ZSWIM5: variants seen among roughly 807,000 people sequenced by gnomAD.
ZSWIM5 encodes zinc finger SWIM domain-containing protein 5.
A neutral mutation model predicts 119.6 loss-of-function variants in ZSWIM5; 55 were observed. The observed-to-expected ratio is 0.46, with a 90% confidence interval of 0.37 to 0.58. ZSWIM5 has a LOEUF of 0.58. Ranked by LOEUF, ZSWIM5 falls within the 20% of genes least tolerant of loss-of-function variation. ZSWIM5 has a pLI of 0.00. For missense variants in ZSWIM5, 1,193 were observed against 1,512.8 expected (o/e 0.79, Z 3.51); for synonymous variants, 537 against 606.9 (o/e 0.88, Z 1.69).
chr1:45,053,899 G>C (rs1003930602), intron 4 of ZSWIM5, among the ~76,000 whole-genome samples: 5 of 151,660 alleles, frequency 3.3e-5, no homozygotes, highest in Non-Finnish European at 5.9e-5. Flanking sequence ...CTGAGAAAGA[G>C]ACAAAGCAAA....
chr1:45,061,372 CTT>C (rs34346997), intron 2 of ZSWIM5, among the ~76,000 whole-genome samples: 47,849 of 143,058 alleles, frequency 0.33, 8,661 homozygotes, highest in East Asian at 0.8. Context: ...TCTATGCATA[CTT>C]TTTTTTTTTT....
At chr1:45,203,268 G>A (rs1288661289) in intron 1 of ZSWIM5, among the ~76,000 whole-genome samples, 1 of 151,984 alleles carries the variant, frequency 6.6e-6, no homozygotes, top group Non-Finnish European at 1.5e-5. Flanking sequence ...AAAGTAATTA[G>A]AAATTACAGA....
At chr1:45,176,170 A>G (rs1645980255) in intron 1 of ZSWIM5, among the ~76,000 whole-genome samples, 2 of 149,634 alleles carry the variant, frequency 1.3e-5, no homozygotes, top group Admixed American at 1.3e-4. Context: ...ATATATTCCA[A>G]TATATACTAA....
intron 4 of ZSWIM5, among the ~76,000 whole-genome samples, chr1:45,058,018 T>C (rs917699447): frequency 6.6e-6 from 1 of 152,208 alleles, no homozygotes; most frequent in African/African-American, 2.4e-5. Context: ...AGAGCCTTTT[T>C]TTGTAGGAGA....
At chr1:45,069,729 G>A (rs926262195) in intron 2 of ZSWIM5, among the ~76,000 whole-genome samples, 1 of 152,066 alleles carries the variant, frequency 6.6e-6, no homozygotes, top group Non-Finnish European at 1.5e-5. Context: ...AGAAGAAAAT[G>A]CCACTCAACA....
intron 11 of ZSWIM5, among the ~76,000 whole-genome samples, chr1:45,024,140 C>A (rs1644905945): frequency 6.6e-6 from 1 of 150,598 alleles, no homozygotes; most frequent in Non-Finnish European, 1.5e-5. Context: ...ATTTTTCTCC[C>A]AGTCTCTGCT....
intron 1 of ZSWIM5, among the ~76,000 whole-genome samples, chr1:45,195,350 C>T (rs1646115580): frequency 6.6e-6 from 1 of 151,958 alleles, no homozygotes; most frequent in Admixed American, 6.6e-5. Context: ...ATTCCTCCCA[C>T]CTCAGCACCC....
intron 8 of ZSWIM5, among the ~76,000 whole-genome samples, chr1:45,038,579 G>A (rs958843218): frequency 2.4e-4 from 35 of 145,232 alleles, no homozygotes; most frequent in Non-Finnish European, 3.9e-4. Flanking sequence ...AGTCTGGAAG[G>A]GAGAAAAGGG....
Position 45,038,940 on chromosome 1 carries a change from C to T in ZSWIM5, c.1890G>A (p.Met630Ile). 6.2e-7 allele frequency: 1 copy of T among 1,613,470 alleles called. No individual in the cohort carries two copies. The highest frequency in any genetic ancestry group is 8.5e-7 in the Non-Finnish European group (1 of 1,179,952). Reference protein sequence around the residue: ...CRLNDDGYLEMSDMNESRPPV... With the variant: ...CRLNDDGYLEISDMNESRPPV... ...GCCTCAGGCTGACCCCTGTACCTGA[C>T]ATCTCCAGATAGCCATCATCATTCA... The change falls in exon 8 of 14, where the codon ATG becomes ATA. Residue 630 changes from methionine to isoleucine, a missense_variant. Met to Ile is a conservative substitution (Grantham distance 10). This residue lies in a region of ZSWIM5 where 961 missense variants were observed against 1,290.0 expected (regional missense o/e 0.74). Coordinates refer to ENST00000359600, the MANE Select transcript of ZSWIM5 (RefSeq NM_020883.2).
At chr1:45,056,299 G>A (rs575743547) in intron 4 of ZSWIM5, among the ~76,000 whole-genome samples, 2 of 152,172 alleles carry the variant, frequency 1.3e-5, no homozygotes, top group East Asian at 3.9e-4. Flanking sequence ...TGAGATCAAA[G>A]ATATTAGAGC....
At chr1:45,053,360 T>C (rs998891910) in intron 4 of ZSWIM5, among the ~76,000 whole-genome samples, 1 of 151,968 alleles carries the variant, frequency 6.6e-6, no homozygotes, top group Non-Finnish European at 1.5e-5. Context: ...AATAGGATAA[T>C]AGGAATGGAA....
At chr1:45,118,737 CAAAA>C (rs60441320) in intron 1 of ZSWIM5, among the ~76,000 whole-genome samples, 4 of 95,258 alleles carry the variant, frequency 4.2e-5, no homozygotes, top group Non-Finnish European at 9.2e-5. Flanking sequence ...GAACCTGTCT[CAAAA>C]AAAAAAAAAA....
chr1:45,021,725 T>TTTAA (rs1396325380), intron 11 of ZSWIM5, among the ~76,000 whole-genome samples: 1 of 151,910 alleles, frequency 6.6e-6, no homozygotes, highest in Non-Finnish European at 1.5e-5. Flanking sequence ...CATTTAAGAG[T>TTTAA]TTAACAACTT....
chr1:45,044,337 C>G (rs2148994536), intron 5 of ZSWIM5, among the ~76,000 whole-genome samples: 1 of 152,070 alleles, frequency 6.6e-6, no homozygotes, highest in South Asian at 2.1e-4. Flanking sequence ...CCTGTTATCC[C>G]AGCACTTTGG....
At chr1:45,166,485 A>T (rs1645904494) in intron 1 of ZSWIM5, among the ~76,000 whole-genome samples, 1 of 152,088 alleles carries the variant, frequency 6.6e-6, no homozygotes, top group Non-Finnish European at 1.5e-5. Flanking sequence ...CAGGCAGGAG[A>T]AAGAAATAAA....
At chr1:45,052,232 G>T (rs1033972810) in intron 4 of ZSWIM5, among the ~76,000 whole-genome samples, 2 of 151,910 alleles carry the variant, frequency 1.3e-5, no homozygotes, top group African/African-American at 2.4e-5. Context: ...CACCATGTCG[G>T]CTAGGTTTGT....
chr1:45,107,378 C>T lies in ZSWIM5; in HGVS notation c.596-19141G>A, dbSNP rs11804735. 7.9e-3 allele frequency among the ~76,000 whole-genome samples: 1,198 copies of T among 152,072 alleles called. 15 individuals are homozygous for T. Among genetic ancestry groups the T allele is most frequent in the African/African-American group, 0.027 (1,125 of 41,476 alleles). ...TTTAGGCTGGGCGTGGTGGCTCACA[C>T]CTGTAATCCCAGTACTTTGGGAGGC... On this transcript the variant is annotated intron_variant, in intron 1 of 13. Transcript: ENST00000359600.
chr1:45,162,587 A>G (rs934253779), intron 1 of ZSWIM5, among the ~76,000 whole-genome samples: 6 of 152,248 alleles, frequency 3.9e-5, no homozygotes, highest in Non-Finnish European at 5.9e-5. Flanking sequence ...AAGCGGAGAC[A>G]GATGGCACCT....
chr1:45,176,560 C>T (rs1047755396), intron 1 of ZSWIM5, among the ~76,000 whole-genome samples: 15 of 152,132 alleles, frequency 9.9e-5, no homozygotes, highest in African/African-American at 3.1e-4. Context: ...CCACCGCGCC[C>T]GGCCTGGTCT....
Sources: allele counts gnomAD v4.1 joint callset (sites outside exome capture counted in the v4.1 genomes callset), GRCh38; gene constraint gnomAD v4.1.1; regional missense constraint gnomAD v4.1.1; transcripts MANE v1.5; gene names NCBI Gene and HGNC (gene_info 2026-07-23, HGNC 2026-07-21).